PGCKA1: variants seen among roughly 807,000 people sequenced by gnomAD.
PGCKA1 encodes PDCD10 and GCKIII kinases associated 1, also known as PDCD10 and GCKIII kinases-associated protein 1.
At chr4:37,480,158 G>A in the PGCKA1 span, among the ~76,000 whole-genome samples, 3 of 152,306 alleles carry the variant, frequency 2.0e-5, no homozygotes, top group East Asian at 1.9e-4. Context: ...AAGGAAACAC[G>A]AAACACAGCT....
At chr4:37,554,230 C>T in the PGCKA1 span, among the ~76,000 whole-genome samples, 1 of 152,228 alleles carries the variant, frequency 6.6e-6, no homozygotes, top group East Asian at 1.9e-4. Context: ...CCTCCCCAGC[C>T]ACGTGGAACT....
chr4:37,569,116 G>C, the PGCKA1 span, among the ~76,000 whole-genome samples: 1 of 151,916 alleles, frequency 6.6e-6, no homozygotes, highest in African/African-American at 2.4e-5. Context: ...GGGGGGGAGA[G>C]ATTAAACAAC....
At chr4:37,590,179 A>C in the PGCKA1 span, 3 of 1,614,222 alleles carry the variant, frequency 1.9e-6, no homozygotes, top group East Asian at 2.2e-5. Context: ...TGATAAATTA[A>C]AAGGCAAATG....
At chr4:37,499,933 T>C in the PGCKA1 span, among the ~76,000 whole-genome samples, 1 of 144,844 alleles carries the variant, frequency 6.9e-6, no homozygotes, top group Non-Finnish European at 1.5e-5. Flanking sequence ...TTTTTTTTTT[T>C]TTTTTTTGAG....
chr4:37,454,292 A>G, the PGCKA1 span, among the ~76,000 whole-genome samples: 1 of 152,138 alleles, frequency 6.6e-6, no homozygotes, highest in Non-Finnish European at 1.5e-5. Flanking sequence ...ACTTTTACAG[A>G]TTCCCAAAAC....
At chr4:37,471,360 A>G in the PGCKA1 span, among the ~76,000 whole-genome samples, 3 of 152,272 alleles carry the variant, frequency 2.0e-5, no homozygotes, top group African/African-American at 7.2e-5. Context: ...ATTTGTTTAT[A>G]TACTAAATTA....
At chr4:37,556,115 A>C in the PGCKA1 span, among the ~76,000 whole-genome samples, 1 of 152,210 alleles carries the variant, frequency 6.6e-6, no homozygotes, top group Non-Finnish European at 1.5e-5. Flanking sequence ...CTTGTCACAC[A>C]GTAGGAATTC....
the PGCKA1 span, among the ~76,000 whole-genome samples, chr4:37,587,540 T>TATG: frequency 1.3e-5 from 2 of 152,180 alleles, no homozygotes; most frequent in Non-Finnish European, 2.9e-5. Flanking sequence ...GAAATTCACC[T>TATG]ATGATTGAAA....
chr4:37,530,033 C>T, the PGCKA1 span, among the ~76,000 whole-genome samples: 3 of 152,126 alleles, frequency 2.0e-5, no homozygotes, highest in African/African-American at 7.2e-5. Context: ...TCAAAAAAGG[C>T]CTGGAATCCC....
chr4:37,525,084 A>G, the PGCKA1 span, among the ~76,000 whole-genome samples: 1 of 152,200 alleles, frequency 6.6e-6, no homozygotes, highest in East Asian at 1.9e-4. Context: ...CTTTATTTCA[A>G]CCCTGCAAAC....
At chr4:37,509,282 A>ACGGGG in the PGCKA1 span, among the ~76,000 whole-genome samples, 4 of 130,566 alleles carry the variant, frequency 3.1e-5, no homozygotes, top group Admixed American at 2.2e-4. Flanking sequence ...CACCTCCCAG[A>ACGGGG]CAGGGCGGCT....
chr4:37,530,592 A>T, the PGCKA1 span, among the ~76,000 whole-genome samples: 2 of 151,594 alleles, frequency 1.3e-5, no homozygotes, highest in Non-Finnish European at 2.9e-5. Context: ...AAAAAAAAAA[A>T]AAAAAATGCT....
At chr4:37,580,320 T>TTC in the PGCKA1 span, among the ~76,000 whole-genome samples, 1 of 151,522 alleles carries the variant, frequency 6.6e-6, no homozygotes, top group African/African-American at 2.4e-5. Flanking sequence ...TTTTTTTTTT[T>TTC]TGGATGGTCT....
chr4:37,478,002 C>T, the PGCKA1 span, among the ~76,000 whole-genome samples: 1 of 152,116 alleles, frequency 6.6e-6, no homozygotes, highest in Admixed American at 6.5e-5. Flanking sequence ...CAAGTACATA[C>T]AAAAACTGCA....
At chr4:37,548,172 A>C in the PGCKA1 span, among the ~76,000 whole-genome samples, 1 of 146,244 alleles carries the variant, frequency 6.8e-6, no homozygotes, top group Non-Finnish European at 1.5e-5. Flanking sequence ...TCGTGAAAGA[A>C]AAAAAGTTAT....
chr4:37,493,533 A>G, the PGCKA1 span, among the ~76,000 whole-genome samples: 9 of 152,258 alleles, frequency 5.9e-5, no homozygotes, highest in Non-Finnish European at 5.9e-5. Context: ...AGAAGCAGAT[A>G]TCATGGCATG....
At chr4:37,559,640 C>G in the PGCKA1 span, among the ~76,000 whole-genome samples, 2 of 152,138 alleles carry the variant, frequency 1.3e-5, no homozygotes, top group East Asian at 1.9e-4. Flanking sequence ...AGGCCCCATC[C>G]CAGACCCACT....
the PGCKA1 span, among the ~76,000 whole-genome samples, chr4:37,487,337 C>T: frequency 1.3e-5 from 2 of 152,196 alleles, no homozygotes; most frequent in Non-Finnish European, 2.9e-5. Context: ...TGCCTGATCA[C>T]ATATGTAACC....
the PGCKA1 span, among the ~76,000 whole-genome samples, chr4:37,563,405 A>T: frequency 1.5e-4 from 23 of 152,192 alleles, no homozygotes; most frequent in African/African-American, 4.8e-4. Context: ...ACCCACCAGC[A>T]CCATTCGCTT....
Sources: allele counts gnomAD v4.1 joint callset (sites outside exome capture counted in the v4.1 genomes callset), GRCh38; gene constraint gnomAD v4.1.1; transcripts MANE v1.5; gene names NCBI Gene and HGNC (gene_info 2026-07-23, HGNC 2026-07-21).